Variants in GALNS observed in about 807,000 individuals in gnomAD.
GALNS encodes the protein N-acetylgalactosamine-6-sulfatase.
In GALNS, 65 loss-of-function variants were observed where a neutral mutation model predicts 65.9. The observed-to-expected ratio is 0.99, with a 90% CI of 0.81 to 1.21. The LOEUF is 1.21. GALNS is among the 50% of genes most tolerant of loss of function. GALNS has a pLI of 0.00. For synonymous variants in GALNS, 346 were observed against 288.9 expected (o/e 1.20, Z -2.00); for missense variants, 776 against 700.7 (o/e 1.11, Z -1.21).
At chr16:88,842,171 C>T (rs916699597) in intron 2 of GALNS, 200 bp from the exon 3 acceptor site, 13 of 670,254 alleles carry the variant, frequency 1.9e-5, no homozygotes, top group African/African-American at 3.5e-5. Flanking sequence ...CTGAAAGACG[C>T]GTGGCCCTTG....
chr16:88,835,976 G>T lies in GALNS; in HGVS notation c.634-127C>A, dbSNP rs564055884. The T allele has an allele frequency of 8.8e-5, 129 of 1,470,826 alleles. 3 individuals carry two copies. In the South Asian group the frequency reaches 1.1e-3, roughly 13 times the overall value. The allele number at this position is 1,470,826 out of a possible 1,614,324, so 91.1% of individuals were successfully genotyped here. On this transcript the variant is annotated intron_variant, in intron 6 of 13. Transcript: ENST00000268695. Reference sequence around the variant, plus strand: ...GTCCCCGTCCCCACGCGTCCCACGGGGCAAGGTTGGTGCGGTCCCCGTCCC... The same window carrying T: ...GTCCCCGTCCCCACGCGTCCCACGGTGCAAGGTTGGTGCGGTCCCCGTCCC...
chr16:88,845,144 G>C (rs959100558), intron 1 of GALNS: 4 of 151,998 alleles, frequency 2.6e-5, no homozygotes, highest in Admixed American at 2.0e-4. Flanking sequence ...TCAGGAGATC[G>C]AGACCATCCT....
At chr16:88,815,563 G>T in intron 13 of GALNS, 9 of 985,490 alleles carry the variant, frequency 9.1e-6, no homozygotes, top group African/African-American at 1.7e-5. Flanking sequence ...GACTTATGCC[G>T]CTAAGAGGAG....
intron 11 of GALNS, among the ~76,000 whole-genome samples, chr16:88,822,963 A>T (rs1165049932): frequency 6.6e-6 from 1 of 152,136 alleles, no homozygotes; most frequent in Non-Finnish European, 1.5e-5. Flanking sequence ...CCTGTGGAGG[A>T]GGTGAAGCCA....
intron 13 of GALNS, 94 bp from the exon 14 acceptor site, chr16:88,814,619 A>T: frequency 1.9e-6 from 3 of 1,539,338 alleles, no homozygotes; most frequent in Non-Finnish European, 2.6e-6. Flanking sequence ...GTTCTGAGAC[A>T]GTCTCACTCT....
intron 9 of GALNS, among the ~76,000 whole-genome samples, chr16:88,827,594 G>A (rs1029198747): frequency 2.6e-5 from 4 of 152,172 alleles, no homozygotes; most frequent in Admixed American, 1.3e-4. Context: ...TTACAGGTAT[G>A]TGTCACTACG....
At chr16:88,854,591 G>A (rs867617031) in intron 1 of GALNS, among the ~76,000 whole-genome samples, 4 of 152,188 alleles carry the variant, frequency 2.6e-5, no homozygotes, top group Non-Finnish European at 2.9e-5. Context: ...AGTGTGCTTG[G>A]CGCAGGGCTG....
At chr16:88,853,760 C>G (rs760406574) in intron 1 of GALNS, among the ~76,000 whole-genome samples, 1 of 152,118 alleles carries the variant, frequency 6.6e-6, no homozygotes. Context: ...AGCCAGGCCG[C>G]GCTGGACCGT....
chr16:88,818,789 A>C (rs1909904717), intron 12 of GALNS, among the ~76,000 whole-genome samples: 1 of 152,224 alleles, frequency 6.6e-6, no homozygotes, highest in South Asian at 2.1e-4. Flanking sequence ...TAATATCGAC[A>C]ACATCCACAT....
At chr16:88,816,940 C>A (rs1909692422) in intron 13 of GALNS, 1 of 985,348 alleles carries the variant, frequency 1.0e-6, no homozygotes, top group Middle Eastern at 5.2e-4. Flanking sequence ...GGCCCAGGGG[C>A]CTCGAGGCTG....
At position 88,839,412 on chromosome 16, in the gene GALNS, G is replaced by A. The variant is rs376585895; in HGVS notation, c.422+1580C>T. 9.2e-5 allele frequency among the ~76,000 whole-genome samples: 14 copies of A among 152,354 alleles called. No individual in the cohort carries two copies. In the East Asian group the frequency reaches 1.5e-3, roughly 17 times the overall value. On this transcript the variant is annotated intron_variant, in intron 4 of 13. Transcript: ENST00000268695. ...ACACAAATTAAGCTGTCAGCTCAAC[G>A]TCCTTGTCCGAAAGCAGCAGTGGGG...
chr16:88,818,344 G>A (rs1311905668), intron 12 of GALNS, among the ~76,000 whole-genome samples: 1 of 152,220 alleles, frequency 6.6e-6, no homozygotes, highest in African/African-American at 2.4e-5. Context: ...GGCAAGAGAG[G>A]AAATGAAGGC....
chr16:88,831,839 CATGG>C (rs1911531310), intron 9 of GALNS, among the ~76,000 whole-genome samples, 155 bp downstream of exon 9: 1 of 117,864 alleles, frequency 8.5e-6, no homozygotes, highest in Admixed American at 8.9e-5. Flanking sequence ...TGAGGCTGAG[CATGG>C]GGTGCGTGGA....
chr16:88,824,396 G>A (rs1005617021), intron 11 of GALNS, among the ~76,000 whole-genome samples: 1 of 152,086 alleles, frequency 6.6e-6, no homozygotes, highest in Admixed American at 6.5e-5. Flanking sequence ...CGGCCCCCAT[G>A]TAGCACCTGG....
chr16:88,833,915 G>A (rs1030787200), intron 8 of GALNS, among the ~76,000 whole-genome samples: 1 of 152,240 alleles, frequency 6.6e-6, no homozygotes, highest in Non-Finnish European at 1.5e-5. Flanking sequence ...TGAAGACTCA[G>A]GTCGCTGGGA....
intron 12 of GALNS, among the ~76,000 whole-genome samples, chr16:88,819,276 G>A (rs1466527998): frequency 1.3e-5 from 2 of 151,940 alleles, no homozygotes; most frequent in African/African-American, 2.4e-5. Context: ...ATCAGAGGGC[G>A]ACCTTCAGGA....
intron 8 of GALNS, 23 bp downstream of exon 8, chr16:88,835,190 G>A: frequency 1.3e-6 from 2 of 1,562,900 alleles, no homozygotes; most frequent in Non-Finnish European, 8.7e-7. Flanking sequence ...GGGAAACCGT[G>A]AGAAGTGACA....
chr16:88,856,919 C>G lies in GALNS; in HGVS notation c.-42G>C, dbSNP rs1433642862. On this transcript the variant is annotated 5_prime_UTR_variant, in exon 1 of 14. Transcript: ENST00000268695. ...GCGGAGCCCCGGCCAGCGAGCCGAC[C>G]TAGCGAGCGTCCGCCGGCCCTTCCG... is the stretch of plus-strand genomic sequence containing the variant. The G allele has an allele frequency of 1.3e-5, 20 of 1,486,070 alleles. No homozygotes were observed. The highest frequency in any genetic ancestry group is 2.5e-5 in the South Asian group (2 of 79,132). 92.1% of individuals were successfully genotyped at this position (1,486,070 alleles called of 1,614,324 possible).
At chr16:88,856,118 C>T (rs1967850235) in intron 1 of GALNS, 1 of 699,254 alleles carries the variant, frequency 1.4e-6, no homozygotes, top group Non-Finnish European at 2.6e-6. Context: ...GGAAGGAGGC[C>T]TCCAGGCTGG....
Sources: gnomAD v4.1 joint callset for allele counts (sites outside exome capture counted in the v4.1 genomes callset) on GRCh38, gnomAD v4.1.1 for gene constraint, MANE v1.5 for transcripts, NCBI Gene and HGNC (gene_info 2026-07-23, HGNC 2026-07-21) for gene names.